Variants in CFAP65 observed in about 807,000 individuals in gnomAD.
CFAP65 encodes the protein cilia- and flagella-associated protein 65.
In CFAP65, 155 loss-of-function variants were observed where a neutral mutation model predicts 208.0. The ratio of observed to expected loss-of-function variants is 0.75; its 90% CI spans 0.65 to 0.85. The LOEUF is 0.85. Ranked by LOEUF, CFAP65 falls within the 40% of genes least tolerant of loss-of-function variation. The probability of loss-of-function intolerance (pLI) is 0.00; values close to 1 mark genes in which losing one functional copy is unlikely to be tolerated. For missense variants in CFAP65, 2,294 were observed against 2,451.3 expected (o/e 0.94, Z 1.36); for synonymous variants, 970 against 986.3 (o/e 0.98, Z 0.31).
rs1428431950 is a variant in CFAP65 at position 219,006,138 on chromosome 2, G to A, written c.4805C>T (p.Pro1602Leu). The change falls in exon 31 of 35, where the codon CCC (proline) becomes CTC (leucine). Residue 1602 changes from proline to leucine, a missense_variant. Pro to Leu is a moderately conservative substitution (Grantham distance 98, BLOSUM62 -3). Around this residue, in one of 2 missense-constraint regions of CFAP65, gnomAD observed 1,427 missense variants for 1,438.7 expected, o/e 0.99. Coordinates refer to ENST00000341552, the MANE Select transcript of CFAP65 (RefSeq NM_194302.4). ...GCCTGGCGAGGGTGGCTGGGGGCAG[G>A]GCCAGGACACCTCCTCCTTTGGGGT... ...LQTPKEEVSW[P>L]CPQPPSPGML... The A allele has an allele frequency of 6.2e-7, 1 of 1,613,628 alleles. No individual in the cohort carries two copies.
chr2:219,005,703 A>T, intron 31 of CFAP65, 141 bp from the exon 32 acceptor site: 1 of 977,496 alleles, frequency 1.0e-6, no homozygotes, highest in Non-Finnish European at 1.5e-6. Flanking sequence ...ATGTAGTGCT[A>T]CTGGGTTCAG....
intron 28 of CFAP65, 77 bp downstream of exon 28, chr2:219,009,270 C>G: frequency 6.9e-7 from 1 of 1,453,078 alleles, no homozygotes. Flanking sequence ...GTCTGGGGAT[C>G]TCACAGCCCA....
intron 28 of CFAP65, 87 bp downstream of exon 28, chr2:219,009,260 G>A (rs1946258610): frequency 1.4e-6 from 2 of 1,453,050 alleles, no homozygotes; most frequent in Admixed American, 3.4e-5. Context: ...TTTTGCTGGG[G>A]TCTGGGGATC....
In CFAP65 at chr2:219,018,798, C is replaced by A. The variant is rs1947074637; in HGVS notation, c.3602+253G>T. On this transcript the variant is annotated intron_variant, in intron 21 of 34. Transcript: ENST00000341552. ...TGTCTCATTTGTTAAGTTATTAAGG[C>A]CACTATGCCCAGGCTCCATCAGGGC... The A allele has an allele frequency of 5.8e-6, 3 of 513,850 alleles. No individual in the cohort carries two copies. The South Asian group carries it at 7.9e-5, about 14-fold the overall frequency. The allele number at this position is 513,850 out of a possible 1,614,324, so 31.8% of individuals were successfully genotyped here. A position where few individuals can be genotyped will look rare whatever the true frequency, so the allele number is the denominator to read the frequency against.
At chr2:219,017,282 G>A (rs1461685065) in intron 21 of CFAP65, among the ~76,000 whole-genome samples, 1 of 152,192 alleles carries the variant, frequency 6.6e-6, no homozygotes, top group Non-Finnish European at 1.5e-5. Context: ...AAGACCCTAC[G>A]AAGGCCAGGG....
intron 29 of CFAP65, among the ~76,000 whole-genome samples, chr2:219,007,702 G>A (rs753225284): frequency 3.5e-4 from 54 of 152,256 alleles, no homozygotes; most frequent in South Asian, 6.2e-4. Flanking sequence ...TTCAGTGAGC[G>A]CTTCCTGGGC....
rs538294364 is a variant in CFAP65 at position 219,038,656 on chromosome 2, T to A, written c.154-78A>T. On this transcript the variant is annotated intron_variant, in intron 3 of 34. Transcript: ENST00000341552. ...CTGAGGGAGGAGACTCTCATGGCCA[T>A]CCTTGTCATGGAGGAGAGGGTCTGC... 92 of 1,361,964 alleles carry A rather than the reference T, an allele frequency of 6.8e-5. No homozygotes were observed. The East Asian group carries it at 2.0e-3, about 30-fold the overall frequency. 84.4% of individuals were successfully genotyped at this position (1,361,964 alleles called of 1,614,324 possible).
In CFAP65 at chr2:219,030,332, T is replaced by C; in HGVS notation, c.1162-124A>G. 8 of 1,004,006 alleles carry C rather than the reference T, an allele frequency of 8.0e-6. No individual in the cohort carries two copies. In the South Asian group the frequency reaches 1.2e-4, roughly 15 times the overall value. The allele number at this position is 1,004,006 out of a possible 1,614,324, so 62.2% of individuals were successfully genotyped here. A position where few individuals can be genotyped will look rare whatever the true frequency, so the allele number is the denominator to read the frequency against. On this transcript the variant is annotated intron_variant, in intron 9 of 34. Coordinates refer to ENST00000341552, the MANE Select transcript of CFAP65 (RefSeq NM_194302.4). ...GTGGGGGCAGCTGGCATCCAGCCTG[T>C]GCCCCACTGGCCAGACTGCCTCCAC... is the stretch of plus-strand genomic sequence containing the variant.
Position 219,010,786 on chromosome 2 carries a change from C to T in CFAP65, c.4149+19G>A, listed in dbSNP as rs377740806. On this transcript the variant is annotated intron_variant, in intron 25 of 34. Transcript: ENST00000341552. ...GCCAGCACCACCCCACCTCCCACGT[C>T]ATCCAGGTTGCTGCTCACCGTGTAG... The T allele has an allele frequency of 6.3e-7, 1 of 1,594,694 alleles. No homozygotes were observed. The highest frequency in any genetic ancestry group is 8.6e-7 in the Non-Finnish European group (1 of 1,166,686).
At position 219,031,929 on chromosome 2, in the gene CFAP65, T is replaced by C. The variant is rs1264387520; in HGVS notation, c.646-271A>G. On this transcript the variant is annotated intron_variant, in intron 6 of 34. Transcript: ENST00000341552. The surrounding 1 kb of genome is among the most constrained non-coding windows in gnomAD (Gnocchi z 5.2). ...AGAAGGGGTTTCTTTTCTTTTCTTTTTTTTTTTTTTTTTTTGAGTCTCGCT... is the reference window on the plus strand; with the variant it reads ...AGAAGGGGTTTCTTTTCTTTTCTTTCTTTTTTTTTTTTTTTGAGTCTCGCT... Among the ~76,000 whole-genome samples, 56 of 103,474 alleles carry C rather than the reference T, an allele frequency of 5.4e-4. No individual in the cohort carries two copies. Among genetic ancestry groups the C allele is most frequent in the African/African-American group, 1.5e-3 (27 of 17,516 alleles). 67.9% of individuals were successfully genotyped at this position (103,474 alleles called of 152,430 possible). A position where few individuals can be genotyped will look rare whatever the true frequency, so the allele number is the denominator to read the frequency against.
chr2:219,040,949 G>A (rs1448906728), intron 1 of CFAP65, among the ~76,000 whole-genome samples: 5 of 139,234 alleles, frequency 3.6e-5, no homozygotes, highest in Non-Finnish European at 7.9e-5. Context: ...GAATGAAACA[G>A]AGGATTTGAA....
At chr2:219,014,352 T>C (rs578027865) in intron 21 of CFAP65, 78 of 223,374 alleles carry the variant, frequency 3.5e-4, no homozygotes, top group Non-Finnish European at 6.3e-4. Flanking sequence ...GAGCTGGCCA[T>C]GAACCCTTCT....
intron 4 of CFAP65, among the ~76,000 whole-genome samples, chr2:219,038,067 T>A (rs1388898639): frequency 6.6e-6 from 1 of 152,198 alleles, no homozygotes; most frequent in African/African-American, 2.4e-5. Flanking sequence ...TCTCAGGCAC[T>A]CACTGCTCCC....
At chr2:219,022,965 A>G (rs1559140498) in intron 16 of CFAP65, among the ~76,000 whole-genome samples, 1 of 152,240 alleles carries the variant, frequency 6.6e-6, no homozygotes, top group East Asian at 1.9e-4. Flanking sequence ...CACTGGTTCC[A>G]GTCCCAGCCC....
chr2:219,007,912 G>C, intron 29 of CFAP65, among the ~76,000 whole-genome samples: 1 of 151,496 alleles, frequency 6.6e-6, no homozygotes, highest in East Asian at 1.9e-4. Context: ...TCCGCCTCCC[G>C]GGTTCAAGCG....
chr2:219,010,228 C>T, intron 26 of CFAP65, 143 bp from the exon 27 acceptor site: 1 of 733,086 alleles, frequency 1.4e-6, no homozygotes, highest in Non-Finnish European at 2.2e-6. Flanking sequence ...CCTTTTGACA[C>T]CTTTCAACAC....
At position 219,005,414 on chromosome 2, in the gene CFAP65, C is replaced by A; in HGVS notation, c.5051+20G>T. On this transcript the variant is annotated intron_variant, in intron 32 of 34. Coordinates refer to ENST00000341552, the MANE Select transcript of CFAP65 (RefSeq NM_194302.4). ...AGGGATGCGAAGGTGGCAATGAGGG[C>A]CCAGGGTGTGAGCTGGTACCTGATT... 2 of 1,613,500 alleles carry A rather than the reference C, an allele frequency of 1.2e-6. No homozygotes were observed. The highest frequency in any genetic ancestry group is 8.5e-7 in the Non-Finnish European group (1 of 1,179,830).
At chr2:219,008,766 C>T (rs1946213922) in intron 29 of CFAP65, among the ~76,000 whole-genome samples, 1 of 152,140 alleles carries the variant, frequency 6.6e-6, no homozygotes, top group African/African-American at 2.4e-5. Context: ...AAAATGTGAG[C>T]TCTGCTTGTC....
chr2:219,017,933 TCA>T (rs1385937625), intron 21 of CFAP65, among the ~76,000 whole-genome samples: 1 of 152,030 alleles, frequency 6.6e-6, no homozygotes, highest in African/African-American at 2.4e-5. Context: ...CCTCAGTTAC[TCA>T]CAGTTCTGGC....
Sources: gnomAD v4.1 joint callset for allele counts (sites outside exome capture counted in the v4.1 genomes callset) on GRCh38, gnomAD v4.1.1 for gene constraint, gnomAD v4.1.1 regional missense constraint, Gnocchi (gnomAD v3.1) non-coding constraint, MANE v1.5 for transcripts, NCBI Gene and HGNC (gene_info 2026-07-23, HGNC 2026-07-21) for gene names.